The following PPP4R1 variants were observed in gnomAD, a reference collection of about 807,000 sequenced individuals.
PPP4R1 encodes protein phosphatase 4 regulatory subunit 1, also known as serine/threonine-protein phosphatase 4 regulatory subunit 1.
A neutral mutation model predicts 111.2 loss-of-function variants in PPP4R1; 42 were observed. The observed-to-expected ratio is 0.38, with a 90% CI of 0.29 to 0.49. The LOEUF is 0.49. Among genes scored for constraint, PPP4R1 ranks in the 20% least tolerant of loss-of-function variants. The pLI is 0.97. For missense variants in PPP4R1, 1,012 were observed against 1,161.6 expected, an observed-to-expected ratio of 0.87 and a Z score of 1.87; for synonymous variants, 409 against 405.5, an observed-to-expected ratio of 1.01 and a Z score of -0.10.
At chr18:9,552,853 A>G (rs915315431) in intron 16 of PPP4R1, among the ~76,000 whole-genome samples, 3 of 152,238 alleles carry the variant, frequency 2.0e-5, no homozygotes, top group Admixed American at 1.3e-4. Context: ...TAGAGGATAC[A>G]ATATGGAGGA....
chr18:9,564,381 T>C (rs2066726663), intron 11 of PPP4R1, among the ~76,000 whole-genome samples: 1 of 152,246 alleles, frequency 6.6e-6, no homozygotes, highest in Non-Finnish European at 1.5e-5. Flanking sequence ...TAATCTATTA[T>C]GCTGCAGCAT....
intron 12 of PPP4R1, 171 bp downstream of exon 12, chr18:9,563,207 T>C: frequency 8.4e-7 from 1 of 1,189,312 alleles, no homozygotes; most frequent in Non-Finnish European, 1.1e-6. Flanking sequence ...GACACTAATG[T>C]CACGAGGACA....
chr18:9,575,027 G>C (rs1487455069), intron 10 of PPP4R1, among the ~76,000 whole-genome samples: 1 of 152,226 alleles, frequency 6.6e-6, no homozygotes, highest in Non-Finnish European at 1.5e-5. Flanking sequence ...GATCCAGGGT[G>C]AGTGAAAGAT....
At chr18:9,603,665 T>A (rs1023783196) in intron 2 of PPP4R1, among the ~76,000 whole-genome samples, 2 of 151,876 alleles carry the variant, frequency 1.3e-5, no homozygotes, top group African/African-American at 4.8e-5. Context: ...TTTCTTTATT[T>A]TTTGTAGAGC....
At chr18:9,614,828 C>T (rs1345023120), upstream of PPP4R1, 4 of 149,520 alleles carry the variant, frequency 2.7e-5, no homozygotes, top group African/African-American at 9.7e-5. This position sits in a 1 kb window ranked among gnomAD's most constrained non-coding sequence, Gnocchi z 4.1. Flanking sequence ...ACGCCGAGCG[C>T]TGCGGACGGG....
intron 15 of PPP4R1, among the ~76,000 whole-genome samples, chr18:9,556,389 C>T (rs1212175753): frequency 3.3e-5 from 5 of 151,864 alleles, no homozygotes; most frequent in African/African-American, 7.2e-5. Context: ...GACAAGGTTT[C>T]ACCATGTTGG....
upstream of PPP4R1, chr18:9,615,189 T>G (rs965483626): frequency 2.6e-5 from 4 of 152,264 alleles, no homozygotes; most frequent in Admixed American, 6.5e-5. Context: ...CATGCCTGCC[T>G]AGCCAGCTTC....
upstream of PPP4R1, among the ~76,000 whole-genome samples, chr18:9,616,630 C>T (rs767186324): frequency 3.0e-4 from 45 of 152,162 alleles, no homozygotes; most frequent in Admixed American, 2.6e-4. Flanking sequence ...AAATCTACAG[C>T]GTGCCAACTG....
intron 18 of PPP4R1, 44 bp downstream of exon 18, chr18:9,550,008 T>A (rs1432692284): frequency 3.1e-6 from 5 of 1,613,066 alleles, no homozygotes; most frequent in Non-Finnish European, 4.2e-6. Flanking sequence ...GACATTCTTC[T>A]AGGAGAAAAA....
At position 9,570,270 on chromosome 18, in the gene PPP4R1, T is replaced by C. The variant is rs1477489592; in HGVS notation, c.1460A>G (p.Glu487Gly). The C allele has an allele frequency of 6.2e-7, 1 of 1,611,414 alleles. No homozygotes were observed. Among genetic ancestry groups the C allele is most frequent in the Admixed American group, 1.7e-5 (1 of 59,416 alleles). Residue 487 changes from glutamate (E) to glycine (G), a missense_variant, in exon 11 of 20, where the codon GAA (glutamate) becomes GGA (glycine). Around this residue, in one of 2 missense-constraint regions of PPP4R1, gnomAD observed 707 missense variants for 742.1 expected, o/e 0.95. Coordinates refer to ENST00000400556, the MANE Select transcript of PPP4R1 (RefSeq NM_001042388.3). ...GGKPSPEGPEEESEGPVPSSP... is the reference protein window; with the variant it reads ...GGKPSPEGPEGESEGPVPSSP... ...ACTGGGCACAGGGCCCTCAGATTCT[T>C]CCTCTGGTCCCTCTGGGCTGGGTTT... is the stretch of plus-strand genomic sequence containing the variant.
Position 9,563,420 on chromosome 18 carries a change from TA to T in PPP4R1, c.1703del (p.Ile568LysfsTer9). On this transcript the variant is annotated frameshift_variant, in exon 12 of 20. Coordinates refer to ENST00000400556, the MANE Select transcript of PPP4R1 (RefSeq NM_001042388.3). LOFTEE classifies it high-confidence loss of function. ...LDINELPNCK[I>X]NQEDSVPLIS... ...TTAAAGGCACAGAATCTTCTTGATT[TA>T]TTTTACAATTTGGTAGCTCATTTAT... The T allele has an allele frequency of 6.2e-7, 1 of 1,613,172 alleles. No individual in the cohort carries two copies. Among genetic ancestry groups the T allele is most frequent in the South Asian group, 1.1e-5 (1 of 91,022 alleles).
chr18:9,561,975 C>T lies in PPP4R1; in HGVS notation c.1842+5G>A. 6.2e-7 allele frequency: 1 copy of T among 1,602,324 alleles called. No homozygotes were observed. Among genetic ancestry groups the T allele is most frequent in the Non-Finnish European group, 8.5e-7 (1 of 1,169,646 alleles). ...CACAAAAGAACACATTTTTTGGTCA[C>T]TTACTTGTACTTTAGTTCTCCTTTC... On this transcript the variant is annotated splice_donor_5th_base_variant and intron_variant, in intron 13 of 19. Transcript: ENST00000400556.
intron 2 of PPP4R1, among the ~76,000 whole-genome samples, chr18:9,599,040 A>G (rs899355765): frequency 1.3e-5 from 2 of 152,110 alleles, no homozygotes; most frequent in Non-Finnish European, 2.9e-5. Flanking sequence ...AAAAGAAAGA[A>G]AGAAAAAAAA....
In PPP4R1 at chr18:9,549,319, C is replaced by CA; in HGVS notation, c.2566dup (p.Cys856LeufsTer21). On this transcript the variant is annotated frameshift_variant, in exon 19 of 20. Transcript: ENST00000400556. LOFTEE classifies it high-confidence loss of function. ...CACAGCAAACTGGTCCATGGGAAGG[C>CA]AGTCATCCTCAATGACAGTCTGGGG... is the stretch of plus-strand genomic sequence containing the variant. 3 of 1,608,404 alleles carry CA rather than the reference C, an allele frequency of 1.9e-6. No homozygotes were observed. The highest frequency in any genetic ancestry group is 2.6e-6 in the Non-Finnish European group (3 of 1,175,020).
intron 9 of PPP4R1, among the ~76,000 whole-genome samples, chr18:9,581,168 C>T (rs1411111099): frequency 7.2e-6 from 1 of 138,298 alleles, no homozygotes; most frequent in Non-Finnish European, 1.6e-5. Context: ...ACAAGGCAGG[C>T]AAAAAAAAAA....
intron 10 of PPP4R1, among the ~76,000 whole-genome samples, chr18:9,575,021 C>T (rs1247632568): frequency 6.6e-6 from 1 of 152,126 alleles, no homozygotes; most frequent in African/African-American, 2.4e-5. Flanking sequence ...CAGCCTGATC[C>T]AGGGTGAGTG....
At chr18:9,580,928 G>A (rs2067018453) in intron 9 of PPP4R1, among the ~76,000 whole-genome samples, 1 of 152,192 alleles carries the variant, frequency 6.6e-6, no homozygotes, top group African/African-American at 2.4e-5. Flanking sequence ...AAGAAGCCAA[G>A]GGAACCTCAG....
chr18:9,605,147 ATTT>A (rs2067457126), intron 2 of PPP4R1, among the ~76,000 whole-genome samples: 1 of 152,194 alleles, frequency 6.6e-6, no homozygotes, highest in Non-Finnish European at 1.5e-5. Flanking sequence ...AATCGGCCAC[ATTT>A]TGTTTCCCAT....
At chr18:9,612,513 C>A (rs1473806307) in intron 2 of PPP4R1, 2 of 152,228 alleles carry the variant, frequency 1.3e-5, no homozygotes, top group African/African-American at 4.8e-5. Flanking sequence ...TTCCCCTCTA[C>A]ACTGTGCTTC....
Sources: allele counts gnomAD v4.1 joint callset (sites outside exome capture counted in the v4.1 genomes callset), GRCh38; gene constraint gnomAD v4.1.1; regional missense constraint gnomAD v4.1.1; non-coding constraint Gnocchi (gnomAD v3.1); transcripts MANE v1.5; gene names NCBI Gene and HGNC (gene_info 2026-07-23, HGNC 2026-07-21).